ADGRD2: variants seen among roughly 807,000 people sequenced by gnomAD.
ADGRD2 encodes adhesion G protein-coupled receptor D2.
Under a neutral mutation model 44.4 loss-of-function variants are expected in ADGRD2, and 71 were observed. The observed-to-expected ratio is 1.60, with a 90% CI of 1.32 to 1.95. The LOEUF is 1.95. Ranked by LOEUF, ADGRD2 falls within the 30% of genes most tolerant of loss-of-function variation. The pLI is 0.00. For synonymous variants in ADGRD2, 481 were observed against 224.8 expected (o/e 2.14, Z -10.19); for missense variants, 1,039 against 512.4 (o/e 2.03, Z -9.92).
chr9:124,459,086 C>T (rs1831675265), intron 10 of ADGRD2, among the ~76,000 whole-genome samples: 1 of 152,202 alleles, frequency 6.6e-6, no homozygotes, highest in Non-Finnish European at 1.5e-5. Flanking sequence ...GCAGCATGTG[C>T]AGTGAATTCA....
exon 20 of ADGRD2, chr9:124,476,374 A>T: frequency 1.4e-6 from 1 of 701,560 alleles, no homozygotes; most frequent in South Asian, 1.5e-5. Context: ...TGGCCCTAGA[A>T]CTCCCTCAGC....
intron 13 of ADGRD2, 130 bp from the exon 17 acceptor site, chr9:124,468,389 G>A: frequency 1.5e-6 from 1 of 688,522 alleles, no homozygotes; most frequent in East Asian, 2.7e-5. Flanking sequence ...CGGGGCCCAG[G>A]CTGCTACCCA....
At chr9:124,475,519 G>C in intron 18 of ADGRD2, 32 bp downstream of exon 21, 1 of 715,636 alleles carries the variant, frequency 1.4e-6, no homozygotes, top group Non-Finnish European at 2.6e-6. Context: ...GCAGGGAGAG[G>C]GGTCCAAGGG....
rs949617142 is a variant in ADGRD2 at position 124,454,864 on chromosome 9, G to A, written c.1132G>A (p.Glu378Lys). ...ACAGCTCCTCCCGGACCCCCTCTCC[G>A]AAGTCCATGGGGCCCTGTCCCCAGC... Residue 378 changes from glutamate (E) to lysine (K), a missense_variant, in exon 6 of 22, where the codon GAA (glutamate) becomes AAA (lysine). Transcript: ENST00000334810. This position sits in a 1 kb window ranked among gnomAD's most constrained non-coding sequence, Gnocchi z 4.5. 24 of 705,060 alleles carry A rather than the reference G, an allele frequency of 3.4e-5. No individual in the cohort carries two copies. The highest frequency in any genetic ancestry group is 8.7e-5 in the African/African-American group (5 of 57,166). The allele number at this position is 705,060 out of a possible 1,614,324, so 43.7% of individuals were successfully genotyped here.
At chr9:124,461,915 T>G (rs1564140301) in intron 10 of ADGRD2, among the ~76,000 whole-genome samples, 1 of 152,028 alleles carries the variant, frequency 6.6e-6, no homozygotes, top group African/African-American at 2.4e-5. Flanking sequence ...CTCATCAATT[T>G]TTTGTATTTT....
chr9:124,453,881 C>T, intron 3 of ADGRD2, 118 bp from the exon 7 acceptor site: 1 of 597,976 alleles, frequency 1.7e-6, no homozygotes, highest in South Asian at 2.0e-5. Context: ...TACCCCCACC[C>T]CGAGCTGGCA....
chr9:124,458,467 A>C (rs1409573781), intron 9 of ADGRD2, 149 bp from the exon 13 acceptor site: 2 of 622,894 alleles, frequency 3.2e-6, no homozygotes, highest in Non-Finnish European at 5.9e-6. Context: ...GCAAGTCCCT[A>C]AGGCAAGACT....
At position 124,476,345 on chromosome 9, in the gene ADGRD2, T is replaced by C. The variant is rs1832048523; in HGVS notation, c.2846-12T>C. ...GCCTTCGTCTCTCAAAAATTTGCCT[T>C]TTCCTCCCTAGGGACCTATGGCCCT... On this transcript the variant is annotated splice_polypyrimidine_tract_variant and intron_variant, in intron 19 of 21. Coordinates refer to ENST00000334810, the Ensembl canonical transcript of ADGRD2. 1 of 687,320 alleles carries C rather than the reference T, an allele frequency of 1.5e-6. No homozygotes were observed. Among genetic ancestry groups the C allele is most frequent in the African/African-American group, 1.8e-5 (1 of 56,880 alleles). 42.6% of individuals were successfully genotyped at this position (687,320 alleles called of 1,614,324 possible). A position where few individuals can be genotyped will look rare whatever the true frequency, so the allele number is the denominator to read the frequency against.
Position 124,454,217 on chromosome 9 carries a change from A to T in ADGRD2, c.1022+120A>T. 1 of 599,432 alleles carries T rather than the reference A, an allele frequency of 1.7e-6. No individual in the cohort carries two copies. Among genetic ancestry groups the T allele is most frequent in the Admixed American group, 3.0e-5 (1 of 33,806 alleles). 37.1% of individuals were successfully genotyped at this position (599,432 alleles called of 1,614,324 possible). Reference sequence around the variant, plus strand: ...AATTCAGAATAAACTCAGAGCTTCAAGGTCTCCATGGAGTCTAGGCCACAG... The same window carrying T: ...AATTCAGAATAAACTCAGAGCTTCATGGTCTCCATGGAGTCTAGGCCACAG... On this transcript the variant is annotated intron_variant, in intron 4 of 21. Coordinates refer to ENST00000334810, the Ensembl canonical transcript of ADGRD2. This position sits in a 1 kb window ranked among gnomAD's most constrained non-coding sequence, Gnocchi z 4.5.
chr9:124,461,936 G>A (rs527796565), intron 10 of ADGRD2, among the ~76,000 whole-genome samples: 9 of 152,004 alleles, frequency 5.9e-5, no homozygotes, highest in African/African-American at 2.2e-4. Flanking sequence ...TAGTAGAGAC[G>A]GGGTTTCACC....
chr9:124,452,781 T>C (rs1831513487), intron 2 of ADGRD2, 59 bp downstream of exon 5: 5 of 679,358 alleles, frequency 7.4e-6, no homozygotes, highest in African/African-American at 7.1e-5. Context: ...GACCTTCAGA[T>C]ATAGGAGCCC....
At chr9:124,470,573 C>T (rs1313499467) in exon 17 of ADGRD2, 1 of 709,288 alleles carries the variant, frequency 1.4e-6, no homozygotes, top group Non-Finnish European at 2.6e-6. Flanking sequence ...GCACCTGAGC[C>T]CCGCCTGGGC....
chr9:124,462,990 C>G (rs1831750210), intron 10 of ADGRD2, among the ~76,000 whole-genome samples: 1 of 148,078 alleles, frequency 6.8e-6, no homozygotes, highest in Non-Finnish European at 1.5e-5. Flanking sequence ...CCTTTTGTTT[C>G]TTTCTTTTTC....
chr9:124,458,697 C>T, exon 10 of ADGRD2: 2 of 718,608 alleles, frequency 2.8e-6, no homozygotes, highest in South Asian at 3.0e-5. Context: ...TGGCCATGAC[C>T]TTTCATCTCC....
chr9:124,456,618 C>T lies in ADGRD2; in HGVS notation c.1394-4C>T, dbSNP rs1831621754. On this transcript the variant is annotated splice_polypyrimidine_tract_variant and splice_region_variant and intron_variant, in intron 6 of 21. Coordinates refer to ENST00000334810, the Ensembl canonical transcript of ADGRD2. ...CAGAGAGCTGAGATGCAGCGTCCTC[C>T]CAGGTGATTGGTGGGCCTATGGCCC... 2 of 718,160 alleles carry T rather than the reference C, an allele frequency of 2.8e-6. No homozygotes were observed. Among genetic ancestry groups the T allele is most frequent in the Non-Finnish European group, 5.2e-6 (2 of 385,044 alleles). The allele number at this position is 718,160 out of a possible 1,614,324, so 44.5% of individuals were successfully genotyped here.
intron 17 of ADGRD2, among the ~76,000 whole-genome samples, chr9:124,471,041 G>A (rs1036226840): frequency 5.9e-5 from 9 of 152,226 alleles, no homozygotes; most frequent in African/African-American, 2.2e-4. Flanking sequence ...AGAGGGTTTG[G>A]TGAGGAGGCC....
exon 3 of ADGRD2, chr9:124,453,165 C>A: frequency 1.4e-6 from 1 of 699,402 alleles, no homozygotes. Flanking sequence ...GTGCCTCGCC[C>A]GACCCCGCAG....
chr9:124,461,212 T>C (rs913386799), intron 10 of ADGRD2, among the ~76,000 whole-genome samples: 2 of 152,266 alleles, frequency 1.3e-5, no homozygotes, highest in Non-Finnish European at 2.9e-5. Context: ...GTTAGAGATA[T>C]GTCTTGTGAA....
At chr9:124,457,488 C>G in exon 8 of ADGRD2, 1 of 656,528 alleles carries the variant, frequency 1.5e-6, no homozygotes, top group South Asian at 1.7e-5. Context: ...AGGTGCGGAG[C>G]TTACGCTTGA....
Sources: gnomAD v4.1 joint callset for allele counts (sites outside exome capture counted in the v4.1 genomes callset) on GRCh38, gnomAD v4.1.1 for gene constraint, Gnocchi (gnomAD v3.1) non-coding constraint, MANE v1.5 for transcripts, NCBI Gene and HGNC (gene_info 2026-07-23, HGNC 2026-07-21) for gene names.